FCRL6: variants seen among roughly 807,000 people sequenced by gnomAD.
FCRL6 encodes Fc receptor-like protein 6.
Under a neutral mutation model 49.1 loss-of-function variants are expected in FCRL6, and 50 were observed. That is an observed-to-expected ratio of 1.02 (90% CI 0.81 to 1.29). The LOEUF (loss-of-function observed/expected upper bound fraction) is 1.29. FCRL6 is among the 50% of genes most tolerant of loss of function. The pLI is 0.00. For synonymous variants in FCRL6, 213 were observed against 199.6 expected, an observed-to-expected ratio of 1.07 and a Z score of -0.57; for missense variants, 571 against 518.5, an observed-to-expected ratio of 1.10 and a Z score of -0.98.
intron 5 of FCRL6, 51 bp downstream of exon 5, chr1:159,809,734 T>C: frequency 6.5e-7 from 1 of 1,528,376 alleles, no homozygotes; most frequent in South Asian, 1.2e-5. Flanking sequence ...CTGGCAGGGG[T>C]CAGATCTCAC....
At position 159,809,602 on chromosome 1, in the gene FCRL6, C is replaced by T. The variant is rs146386650; in HGVS notation, c.805C>T (p.Gln269Ter). 5.6e-4 allele frequency: 908 copies of T among 1,614,186 alleles called. No individual in the cohort carries two copies. The highest frequency in any genetic ancestry group is 6.8e-4 in the Non-Finnish European group (806 of 1,180,020). Residue 269 changes from glutamine (Q) to a stop codon, truncating the protein, a stop_gained, in exon 5 of 10, where the codon CAG becomes TAG. Coordinates refer to ENST00000368106, the MANE Select transcript of FCRL6 (RefSeq NM_001004310.3). LOFTEE classifies it high-confidence loss of function. Reference protein sequence around the residue: ...TSLLFPVKSEQDAGNYSCEAE... With the variant: ...TSLLFPVKSE ...CCTCCTCTTCCCAGTGAAGTCAGAA[C>T]AGGATGCTGGGAACTACTCCTGCGA...
intron 7 of FCRL6, 31 bp from the exon 8 acceptor site, chr1:159,814,190 G>A (rs749362617): frequency 2.5e-6 from 4 of 1,598,658 alleles, no homozygotes; most frequent in Non-Finnish European, 3.4e-6. Flanking sequence ...GAGTCAGGAG[G>A]ATCCTATTTA....
rs1662996516 is a variant in FCRL6, at chr1:159,810,002, ATCAG to A, written c.887-88_887-85del. ...CCCCAGGCCAGACGGTTCCCCTAAT[ATCAG>A]TCATTCTGCCTGTTCTGTGCCAGGC... On this transcript the variant is annotated intron_variant, in intron 5 of 9. Transcript: ENST00000368106. 11 of 1,464,676 alleles carry A rather than the reference ATCAG, an allele frequency of 7.5e-6. No individual in the cohort carries two copies. In the East Asian group the frequency reaches 2.5e-4, roughly 33 times the overall value. The allele number at this position is 1,464,676 out of a possible 1,614,324, so 90.7% of individuals were successfully genotyped here.
At chr1:159,803,262 C>A (rs1005021487) in intron 1 of FCRL6, among the ~76,000 whole-genome samples, 4 of 152,212 alleles carry the variant, frequency 2.6e-5, no homozygotes, top group African/African-American at 7.2e-5. Context: ...GTGTCACCCC[C>A]CTTATACCTA....
intron 7 of FCRL6, 65 bp from the exon 8 acceptor site, chr1:159,814,156 G>T: frequency 6.8e-7 from 1 of 1,462,098 alleles, no homozygotes; most frequent in Non-Finnish European, 9.6e-7. Flanking sequence ...CATGTCTTCA[G>T]GACACTTATG....
chr1:159,815,396 A>T (rs376500060), intron 8 of FCRL6, 32 bp from the exon 9 acceptor site: 1 of 1,605,820 alleles, frequency 6.2e-7, no homozygotes, highest in Non-Finnish European at 8.5e-7. Context: ...TGGAGCACAG[A>T]GACCTGACCT....
intron 4 of FCRL6, 60 bp downstream of exon 4, chr1:159,809,305 C>T: frequency 6.6e-7 from 1 of 1,526,578 alleles, no homozygotes; most frequent in Non-Finnish European, 8.8e-7. Flanking sequence ...AGTGGGATCC[C>T]CTGGGACTAA....
chr1:159,802,335 C>T, upstream of FCRL6: 1 of 1,507,454 alleles, frequency 6.6e-7, no homozygotes. Flanking sequence ...CACCCACCCA[C>T]CTTCGGTCCT....
At chr1:159,805,488 C>T (rs1662620265) in intron 1 of FCRL6, among the ~76,000 whole-genome samples, 2 of 152,198 alleles carry the variant, frequency 1.3e-5, no homozygotes, top group Admixed American at 6.5e-5. Context: ...TCACACCTTG[C>T]CCCAAAGTCC....
chr1:159,805,736 G>A (rs1170183309), intron 1 of FCRL6, among the ~76,000 whole-genome samples: 1 of 152,196 alleles, frequency 6.6e-6, no homozygotes, highest in Non-Finnish European at 1.5e-5. Flanking sequence ...CATCCATGCT[G>A]CCTGATAATG....
chr1:159,814,217 C>T lies in FCRL6; in HGVS notation c.1076-4C>T. On this transcript the variant is annotated splice_polypyrimidine_tract_variant and splice_region_variant and intron_variant, in intron 7 of 9. Coordinates refer to ENST00000368106, the MANE Select transcript of FCRL6 (RefSeq NM_001004310.3). ...TCCTATTTAAGCCTCATTCCTTCTT[C>T]CAGTGCATCACCAGAAAGGGAAAGA... The T allele has an allele frequency of 6.2e-7, 1 of 1,613,662 alleles. No individual in the cohort carries two copies. The highest frequency in any genetic ancestry group is 8.5e-7 in the Non-Finnish European group (1 of 1,179,564).
intron 2 of FCRL6, among the ~76,000 whole-genome samples, chr1:159,806,907 T>C (rs536642342): frequency 6.6e-6 from 1 of 152,304 alleles, no homozygotes; most frequent in South Asian, 2.1e-4. Flanking sequence ...CTTCAAGTGG[T>C]TCTGGAGCTC....
chr1:159,814,297 G>A lies in FCRL6; in HGVS notation c.1147+5G>A. ...GAACCTCAAAGAGGAGTGAAGGTGA[G>A]TGATCTCAGGCCAAACTTGGTACCT... On this transcript the variant is annotated splice_donor_5th_base_variant and intron_variant, in intron 8 of 9. Coordinates refer to ENST00000368106, the MANE Select transcript of FCRL6 (RefSeq NM_001004310.3). 4 of 1,613,536 alleles carry A rather than the reference G, an allele frequency of 2.5e-6. No individual in the cohort carries two copies. The highest frequency in any genetic ancestry group is 3.4e-6 in the Non-Finnish European group (4 of 1,179,424).
At chr1:159,806,750 G>A in intron 2 of FCRL6, 134 bp downstream of exon 2, 2 of 910,780 alleles carry the variant, frequency 2.2e-6, no homozygotes, top group Non-Finnish European at 3.7e-6. Flanking sequence ...CCTTCCTCAG[G>A]AGTCTTGGCC....
At chr1:159,814,893 T>C (rs1273532857) in intron 8 of FCRL6, among the ~76,000 whole-genome samples, 2 of 152,202 alleles carry the variant, frequency 1.3e-5, no homozygotes, top group Admixed American at 6.5e-5. Flanking sequence ...TCTATGTACT[T>C]ATTCACTGTT....
In FCRL6 at chr1:159,809,342, G is replaced by A. The variant is rs12087586; in HGVS notation, c.605-60G>A. ...GGAGTTGGGGGAAGGGTCCCCAGGA[G>A]AGGAGGGAGCCAGGGTCCTGGGTGG... On this transcript the variant is annotated intron_variant, in intron 4 of 9. Transcript: ENST00000368106. The A allele has an allele frequency of 2.0e-3, 3,035 of 1,534,724 alleles. 53 individuals are homozygous for A. In the African/African-American group the frequency reaches 0.037, roughly 19 times the overall value.
At chr1:159,809,366 G>T (rs1321238028) in intron 4 of FCRL6, 36 bp from the exon 5 acceptor site, 2 of 1,554,954 alleles carry the variant, frequency 1.3e-6, no homozygotes. Flanking sequence ...GGTCCTGGGT[G>T]GTCAGGCTGA....
upstream of FCRL6, among the ~76,000 whole-genome samples, chr1:159,801,024 AAAAAGAAAAAAGAAAG>A (rs879654235): frequency 6.6e-6 from 1 of 152,246 alleles, no homozygotes; most frequent in Non-Finnish European, 1.5e-5. Flanking sequence ...TCTCAATAAA[AAAAAGAAAAAAGAAAG>A]AAAAGAAACA....
Position 159,815,554 on chromosome 1 carries a change from G to A in FCRL6, c.1198G>A (p.Ala400Thr). The change falls in exon 10 of 10, where the codon GCG (alanine) becomes ACG (threonine). Residue 400 changes from alanine to threonine, a missense_variant. Ala to Thr is a moderately conservative substitution (Grantham distance 58). Coordinates refer to ENST00000368106, the MANE Select transcript of FCRL6 (RefSeq NM_001004310.3). ...TCCACAGGACAGTTCTATCATCTGTGCGGAGGTGAGATGCCTGCAGCCCAG... is the reference window on the plus strand; with the variant it reads ...TCCACAGGACAGTTCTATCATCTGTACGGAGGTGAGATGCCTGCAGCCCAG... ...VGRKDSSIICAEVRCLQPSEV... is the reference protein window; with the variant it reads ...VGRKDSSIICTEVRCLQPSEV... 1 of 1,614,206 alleles carries A rather than the reference G, an allele frequency of 6.2e-7. No individual in the cohort carries two copies. Among genetic ancestry groups the A allele is most frequent in the Non-Finnish European group, 8.5e-7 (1 of 1,180,036 alleles).
Sources: allele counts gnomAD v4.1 joint callset (sites outside exome capture counted in the v4.1 genomes callset), GRCh38; gene constraint gnomAD v4.1.1; transcripts MANE v1.5; gene names NCBI Gene and HGNC (gene_info 2026-07-23, HGNC 2026-07-21).